The following TECR variants were observed in gnomAD, a reference collection of about 807,000 sequenced individuals.
The protein encoded by TECR is trans-2,3-enoyl-CoA reductase.
TECR carries 19 observed loss-of-function variants against 50.6 expected under a neutral mutation model. The ratio of observed to expected loss-of-function variants is 0.38; its 90% CI spans 0.26 to 0.55. The LOEUF (loss-of-function observed/expected upper bound fraction) is 0.55, where lower values mean the gene tolerates loss of function less well. Among genes scored for constraint, TECR ranks in the 20% least tolerant of loss-of-function variants. The pLI is 0.79. For missense variants in TECR, 313 were observed against 408.3 expected, an observed-to-expected ratio of 0.77 and a Z score of 2.01; for synonymous variants, 168 against 163.5, an observed-to-expected ratio of 1.03 and a Z score of -0.21.
In TECR at chr19:14,544,312, G is replaced by A. The variant is rs118107174; in HGVS notation, c.15+14601G>A. Among the ~76,000 whole-genome samples the A allele has an allele frequency of 8.6e-4, 131 of 152,188 alleles. 2 individuals are homozygous for A. The East Asian group carries it at 0.024, about 28-fold the overall frequency. ...TTGTGTAAGCCCCTGGCTCTCCCCT[G>A]TAACCCCTGGCCCTGGGGAGGGTCT... is the stretch of plus-strand genomic sequence containing the variant. On this transcript the variant is annotated intron_variant, in intron 1 of 12. Coordinates refer to ENST00000215567, the MANE Select transcript of TECR (RefSeq NM_138501.6).
chr19:14,560,168 A>T (rs989939035), intron 1 of TECR, among the ~76,000 whole-genome samples: 1 of 152,008 alleles, frequency 6.6e-6, no homozygotes, highest in Non-Finnish European at 1.5e-5. Flanking sequence ...GCTAGCCGGG[A>T]CCCCGATGGC....
intron 1 of TECR, among the ~76,000 whole-genome samples, chr19:14,559,528 C>CTA (rs149602330): frequency 0.05 from 7,551 of 152,216 alleles, 335 homozygotes; most frequent in African/African-American, 0.12. Context: ...TGGCTCACGC[C>CTA]TATAATCCTA....
chr19:14,563,632 C>G lies in TECR; in HGVS notation c.119-26C>G. 6.2e-7 allele frequency: 1 copy of G among 1,610,730 alleles called. No homozygotes were observed. Among genetic ancestry groups the G allele is most frequent in the African/African-American group, 1.3e-5 (1 of 74,972 alleles). ...CGGCTGAGCCCTGCCAGGCTGTGGGCTGTAACTGCCCTGTTCTCCCCGCAG... is the reference window on the plus strand; with the variant it reads ...CGGCTGAGCCCTGCCAGGCTGTGGGGTGTAACTGCCCTGTTCTCCCCGCAG... On this transcript the variant is annotated intron_variant, in intron 3 of 12. Transcript: ENST00000215567. The surrounding 1 kb of genome is among the most constrained non-coding windows in gnomAD (Gnocchi z 5.3).
At chr19:14,546,849 C>T (rs1209500389) in intron 1 of TECR, among the ~76,000 whole-genome samples, 2 of 152,114 alleles carry the variant, frequency 1.3e-5, no homozygotes, top group Non-Finnish European at 2.9e-5. Flanking sequence ...ACCACTACGC[C>T]CAGCTAACTT....
At chr19:14,531,065 G>T (rs2072632027) in intron 1 of TECR, 1 of 151,940 alleles carries the variant, frequency 6.6e-6, no homozygotes, top group Non-Finnish European at 1.5e-5. Flanking sequence ...ACAGAGTTTC[G>T]GTCTTATTGC....
upstream of TECR, among the ~76,000 whole-genome samples, chr19:14,528,411 T>G (rs1379261499): frequency 6.6e-6 from 1 of 151,898 alleles, no homozygotes; most frequent in Admixed American, 6.6e-5. Flanking sequence ...GGCTAATTTT[T>G]GTATTTTTAG....
rs1019821687 is a variant in TECR, at chr19:14,563,314, G to A, written c.118+57G>A. 5 of 1,498,862 alleles carry A rather than the reference G, an allele frequency of 3.3e-6. No individual in the cohort carries two copies. Among genetic ancestry groups the A allele is most frequent in the African/African-American group, 3.0e-5 (2 of 66,232 alleles). 92.8% of individuals were successfully genotyped at this position (1,498,862 alleles called of 1,614,324 possible). ...CAACCCCTTTGACCAGGGACCTTAG[G>A]GTGGGAGGGATCCCATCCTGCACCC... On this transcript the variant is annotated intron_variant, in intron 3 of 12. Coordinates refer to ENST00000215567, the MANE Select transcript of TECR (RefSeq NM_138501.6). This position sits in a 1 kb window ranked among gnomAD's most constrained non-coding sequence, Gnocchi z 5.3.
chr19:14,545,321 C>T (rs538017243), intron 1 of TECR: 10 of 402,600 alleles, frequency 2.5e-5, no homozygotes, highest in African/African-American at 2.1e-4. Flanking sequence ...CATTCCCCGC[C>T]AGGGAGCCTC....
chr19:14,534,528 C>T (rs189705798), intron 1 of TECR, among the ~76,000 whole-genome samples: 1,967 of 145,610 alleles, frequency 0.014, 23 homozygotes, highest in Non-Finnish European at 0.02. Context: ...CTCCACCTCC[C>T]CGGTTCAAGC....
chr19:14,549,252 C>A (rs926207330), intron 1 of TECR, among the ~76,000 whole-genome samples: 2 of 136,440 alleles, frequency 1.5e-5, no homozygotes, highest in Non-Finnish European at 1.5e-5. Flanking sequence ...CTCACTCTGT[C>A]GCCAGGCTGG....
chr19:14,561,768 C>G (rs2146628474), intron 1 of TECR, among the ~76,000 whole-genome samples: 1 of 152,356 alleles, frequency 6.6e-6, no homozygotes, highest in East Asian at 1.9e-4. Flanking sequence ...ACTCCAGAAT[C>G]TGTCACCTCC....
intron 1 of TECR, among the ~76,000 whole-genome samples, chr19:14,561,735 G>A (rs116073224): frequency 0.024 from 3,623 of 152,300 alleles, 57 homozygotes; most frequent in African/African-American, 0.03. Context: ...TCCACACTTC[G>A]AGAGAGGCTC....
At chr19:14,550,314 G>A (rs2073452757) in intron 1 of TECR, among the ~76,000 whole-genome samples, 1 of 152,144 alleles carries the variant, frequency 6.6e-6, no homozygotes, top group African/African-American at 2.4e-5. Flanking sequence ...GCCGCCGCGT[G>A]TATAAAGCCT....
intron 1 of TECR, among the ~76,000 whole-genome samples, chr19:14,537,453 G>C (rs968781178): frequency 6.7e-6 from 1 of 149,548 alleles, no homozygotes; most frequent in African/African-American, 2.5e-5. Context: ...CCTGAGAACA[G>C]AGGAGGGTTG....
upstream of TECR, chr19:14,529,224 C>G: frequency 1.4e-5 from 4 of 278,620 alleles, no homozygotes; most frequent in South Asian, 1.4e-4. Flanking sequence ...GAATTTACCC[C>G]TTCGGCGCCG....
At chr19:14,565,351 C>A (rs2074045744) in intron 11 of TECR, 61 bp downstream of exon 11, 4 of 1,593,286 alleles carry the variant, frequency 2.5e-6, no homozygotes, top group Non-Finnish European at 1.7e-6. Flanking sequence ...GAGGGACCAG[C>A]CCCTAGGATG....
Position 14,563,970 on chromosome 19 carries a change from CT to C in TECR, c.268-11del. ...ACGTTGGGTGACTCATCTTGCCCCCCTCTACTCTCAGGTCTTCCTAACAGAG... is the reference window on the plus strand; with the variant it reads ...ACGTTGGGTGACTCATCTTGCCCCCCCTACTCTCAGGTCTTCCTAACAGAG... On this transcript the variant is annotated splice_polypyrimidine_tract_variant and intron_variant, in intron 5 of 12. Transcript: ENST00000215567. The surrounding 1 kb of genome is among the most constrained non-coding windows in gnomAD (Gnocchi z 5.3). 6.2e-7 allele frequency: 1 copy of C among 1,614,022 alleles called. No homozygotes were observed.
At chr19:14,539,260 C>T (rs1388312303) in intron 1 of TECR, among the ~76,000 whole-genome samples, 1 of 147,976 alleles carries the variant, frequency 6.8e-6, no homozygotes, top group Admixed American at 6.9e-5. Context: ...TCCCAAAGTA[C>T]TGGGATTACA....
chr19:14,529,527 C>A (rs554883325), upstream of TECR: 4 of 868,632 alleles, frequency 4.6e-6, no homozygotes, highest in Non-Finnish European at 3.8e-6. Context: ...CGAACGTGGG[C>A]GCCTCGTGCC....
Sources: allele counts gnomAD v4.1 joint callset (sites outside exome capture counted in the v4.1 genomes callset), GRCh38; gene constraint gnomAD v4.1.1; non-coding constraint Gnocchi (gnomAD v3.1); transcripts MANE v1.5; gene names NCBI Gene and HGNC (gene_info 2026-07-23, HGNC 2026-07-21).